Variants in DPY19L1 observed in about 807,000 individuals in gnomAD.
DPY19L1 encodes the protein dpy-19 like C-mannosyltransferase 1.
DPY19L1 carries 35 observed loss-of-function variants against 96.9 expected under a neutral mutation model. The observed-to-expected ratio is 0.36, with a 90% CI of 0.28 to 0.48. The LOEUF (loss-of-function observed/expected upper bound fraction) is 0.48, where lower values mean the gene tolerates loss of function less well. Among genes scored for constraint, DPY19L1 ranks in the 20% least tolerant of loss-of-function variants. The pLI, the probability that DPY19L1 is intolerant of heterozygous loss-of-function variation, is 0.99. For missense variants in DPY19L1, 521 were observed against 777.9 expected (o/e 0.67, Z 3.93); for synonymous variants, 205 against 252.6 (o/e 0.81, Z 1.79).
chr7:34,947,937 C>A lies in DPY19L1; in HGVS notation c.1423-236G>T, dbSNP rs117648456. 2.9e-3 allele frequency among the ~76,000 whole-genome samples: 445 copies of A among 152,278 alleles called. 2 individuals are homozygous for A. The highest frequency in any genetic ancestry group is 4.6e-3 in the Non-Finnish European group (314 of 67,998). ...AAACACCTGTAAGTGTGAAATGTCA[C>A]TGAAGAGATTACTGCTCACTTTTTG... is the stretch of plus-strand genomic sequence containing the variant. On this transcript the variant is annotated intron_variant, in intron 14 of 21. Transcript: ENST00000638088.
At position 34,954,770 on chromosome 7, in the gene DPY19L1, T is replaced by C. The variant is rs1318660455; in HGVS notation, c.1248A>G (p.Gln416=). The change falls in exon 13 of 22, where the codon CAA becomes CAG. Residue 416 remains glutamine (Q), a synonymous_variant. Transcript: ENST00000638088. Reference sequence around the variant, plus strand: ...CAGTTCCAAATAACCAAAAACATCCTTGAATAACCTAAACAAAAGAAAACA... The same window carrying C: ...CAGTTCCAAATAACCAAAAACATCCCTGAATAACCTAAACAAAAGAAAACA... ...NVSELSLWVI[Q]GCFWLFGTVI... is the part of the protein sequence containing the mutation. The C allele has an allele frequency of 7.8e-6, 12 of 1,546,594 alleles. No individual in the cohort carries two copies. Among genetic ancestry groups the C allele is most frequent in the Non-Finnish European group, 9.7e-6 (11 of 1,132,036 alleles).
intron 21 of DPY19L1, among the ~76,000 whole-genome samples, chr7:34,932,327 G>C (rs1276609325): frequency 6.6e-6 from 1 of 152,174 alleles, no homozygotes; most frequent in East Asian, 1.9e-4. Flanking sequence ...TCACGGCTTA[G>C]CCTAGCCTAC....
chr7:34,937,827 C>T (rs1469863321), intron 21 of DPY19L1, among the ~76,000 whole-genome samples, 167 bp downstream of exon 21: 1 of 151,984 alleles, frequency 6.6e-6, no homozygotes, highest in Non-Finnish European at 1.5e-5. Flanking sequence ...CCAGTGCACT[C>T]CAGCCTGGGC....
At chr7:34,959,927 A>ATATATATATATATATATATT (rs1784466091) in intron 10 of DPY19L1, among the ~76,000 whole-genome samples, 2 of 27,406 alleles carry the variant, frequency 7.3e-5, no homozygotes, top group South Asian at 9.6e-4. Context: ...ATATATATTT[A>ATATATATATATATATATATT]TATATATATA....
intron 6 of DPY19L1, among the ~76,000 whole-genome samples, chr7:34,992,216 T>G (rs1279686077): frequency 1.3e-5 from 2 of 152,214 alleles, no homozygotes; most frequent in Admixed American, 1.3e-4. Context: ...CCTACTTGTA[T>G]GCAGTAGCAT....
At chr7:35,018,764 T>A (rs1785920904) in intron 1 of DPY19L1, among the ~76,000 whole-genome samples, 168 bp from the exon 2 acceptor site, 1 of 152,138 alleles carries the variant, frequency 6.6e-6, no homozygotes, top group South Asian at 2.1e-4. Flanking sequence ...GACTAGCTCA[T>A]AAGGGAATTA....
At chr7:35,027,466 G>C (rs1372784421) in intron 1 of DPY19L1, among the ~76,000 whole-genome samples, 1 of 151,922 alleles carries the variant, frequency 6.6e-6, no homozygotes, top group Non-Finnish European at 1.5e-5. Flanking sequence ...TTTTGAATTG[G>C]AAAAGAAGGA....
intron 7 of DPY19L1, among the ~76,000 whole-genome samples, chr7:34,987,328 A>G (rs1001606447): frequency 6.6e-6 from 1 of 152,040 alleles, no homozygotes; most frequent in Non-Finnish European, 1.5e-5. Context: ...ATTATTATAA[A>G]CCCTTTTACT....
At chr7:35,028,452 A>G (rs1012815424) in intron 1 of DPY19L1, among the ~76,000 whole-genome samples, 1 of 152,278 alleles carries the variant, frequency 6.6e-6, no homozygotes, top group African/African-American at 2.4e-5. Context: ...ATATGTATAT[A>G]TGTACAGATA....
intron 21 of DPY19L1, among the ~76,000 whole-genome samples, chr7:34,932,214 A>G (rs1783767187): frequency 6.6e-6 from 1 of 152,212 alleles, no homozygotes. Flanking sequence ...TTCACAGGGA[A>G]GCTGCATTAA....
At chr7:34,950,020 T>C (rs574322736) in intron 13 of DPY19L1, 122 bp from the exon 14 acceptor site, 11 of 509,856 alleles carry the variant, frequency 2.2e-5, no homozygotes, top group Non-Finnish European at 3.7e-5. Flanking sequence ...ACACCAAGCC[T>C]GCTTTTGTTA....
At chr7:35,032,949 G>C (rs1010053408) in intron 1 of DPY19L1, among the ~76,000 whole-genome samples, 2 of 152,110 alleles carry the variant, frequency 1.3e-5, no homozygotes, top group Non-Finnish European at 2.9e-5. Context: ...CTAGGTCCGT[G>C]AACAGCCTCC....
chr7:34,954,583 T>C, intron 13 of DPY19L1, 115 bp downstream of exon 13: 1 of 581,930 alleles, frequency 1.7e-6, no homozygotes, highest in East Asian at 3.2e-5. Flanking sequence ...AAATAATAGG[T>C]GAACAGACTT....
intron 6 of DPY19L1, among the ~76,000 whole-genome samples, chr7:35,003,117 A>T (rs1283086340): frequency 2.0e-5 from 3 of 152,218 alleles, no homozygotes; most frequent in East Asian, 3.8e-4. Flanking sequence ...TCGGCCAAAC[A>T]GTGAACCAAA....
At chr7:34,985,379 G>C (rs1471489815) in intron 7 of DPY19L1, among the ~76,000 whole-genome samples, 1 of 152,112 alleles carries the variant, frequency 6.6e-6, no homozygotes, top group Non-Finnish European at 1.5e-5. Flanking sequence ...AATTAACAGA[G>C]TGTACAGTCA....
chr7:34,973,002 T>A (rs898302433), intron 8 of DPY19L1, among the ~76,000 whole-genome samples: 1 of 152,198 alleles, frequency 6.6e-6, no homozygotes, highest in Non-Finnish European at 1.5e-5. Context: ...TCAGTCTGAG[T>A]CATCTTCAGA....
At chr7:35,027,763 G>A (rs1251441717) in intron 1 of DPY19L1, among the ~76,000 whole-genome samples, 8 of 151,486 alleles carry the variant, frequency 5.3e-5, no homozygotes, top group African/African-American at 1.9e-4. Context: ...GCTTGAACTT[G>A]GGAGGCAGAG....
intron 6 of DPY19L1, chr7:35,000,750 A>T (rs1006404408): frequency 1.3e-5 from 2 of 152,342 alleles, no homozygotes; most frequent in Admixed American, 6.5e-5. Flanking sequence ...ATCAGAACAG[A>T]AAAGAGAACG....
At chr7:34,990,229 A>G (rs1440098701) in intron 6 of DPY19L1, among the ~76,000 whole-genome samples, 1 of 152,242 alleles carries the variant, frequency 6.6e-6, no homozygotes, top group Non-Finnish European at 1.5e-5. Flanking sequence ...ATTACTGTAC[A>G]TCACGCAACC....
Sources: gnomAD v4.1 joint callset for allele counts (sites outside exome capture counted in the v4.1 genomes callset) on GRCh38, gnomAD v4.1.1 for gene constraint, MANE v1.5 for transcripts, NCBI Gene and HGNC (gene_info 2026-07-23, HGNC 2026-07-21) for gene names.